The following ABCB5 variants were observed in gnomAD, a reference collection of about 807,000 sequenced individuals.
ABCB5 encodes ATP binding cassette subfamily B member 5, also known as ATP-binding cassette sub-family B member 5.
Under a neutral mutation model 144.2 loss-of-function variants are expected in ABCB5, and 155 were observed. The ratio of observed to expected loss-of-function variants is 1.08; its 90% CI spans 0.94 to 1.23. The LOEUF is 1.23. Ranked by LOEUF, ABCB5 falls within the 50% of genes most tolerant of loss-of-function variation. The pLI is 0.00. For missense variants in ABCB5, 1,830 were observed against 1,520.8 expected (o/e 1.20, Z -3.38); for synonymous variants, 610 against 528.6 (o/e 1.15, Z -2.11).
In ABCB5 at chr7:20,617,236, T is replaced by C. The variant is rs1423985655; in HGVS notation, c.-22+1399T>C. ...CCTGGCACAGTATATATCTATAGAATGAGTAAATTTTTTTAAAAAATCATC... is the reference window on the plus strand; with the variant it reads ...CCTGGCACAGTATATATCTATAGAACGAGTAAATTTTTTTAAAAAATCATC... On this transcript the variant is annotated intron_variant, in intron 1 of 27. Transcript: ENST00000404938. Among the ~76,000 whole-genome samples, 8 of 152,196 alleles carry C rather than the reference T, an allele frequency of 5.3e-5. No individual in the cohort carries two copies. The East Asian group carries it at 1.5e-3, about 29-fold the overall frequency.
intron 20 of ABCB5, among the ~76,000 whole-genome samples, chr7:20,705,794 C>T (rs1048563088): frequency 6.6e-6 from 1 of 151,048 alleles, no homozygotes; most frequent in African/African-American, 2.4e-5. Flanking sequence ...ATATGGCAAC[C>T]GTTCTAAGTT....
rs1007862059 is a variant in ABCB5, at chr7:20,707,789, G to A, written c.2421+2982G>A. ...CTAAGATATTATTACCTGGACAATG[G>A]TAACCTCATTTCTTTTTTTTTTTTT... On this transcript the variant is annotated intron_variant, in intron 20 of 27. Transcript: ENST00000404938. Among the ~76,000 whole-genome samples the A allele has an allele frequency of 7.6e-5, 11 of 144,998 alleles. No homozygotes were observed. In the Admixed American group the frequency reaches 7.9e-4, roughly 10 times the overall value.
chr7:20,750,775 G>A (rs1186327747), intron 26 of ABCB5, among the ~76,000 whole-genome samples: 1 of 152,164 alleles, frequency 6.6e-6, no homozygotes, highest in Non-Finnish European at 1.5e-5. Flanking sequence ...AGGGTGCAGA[G>A]CAAGGAGTCA....
chr7:20,728,493 C>T (rs559978873), intron 23 of ABCB5, 38 bp downstream of exon 23: 3 of 1,603,490 alleles, frequency 1.9e-6, no homozygotes, highest in Non-Finnish European at 2.6e-6. Context: ...GTAGCTCACA[C>T]CTGTAATTCC....
At chr7:20,648,956 C>A (rs116762069) in intron 11 of ABCB5, among the ~76,000 whole-genome samples, 1,776 of 152,262 alleles carry the variant, frequency 0.012, 28 homozygotes, top group Middle Eastern at 0.041. Flanking sequence ...CATTTTGCAA[C>A]TGTATTTGGA....
intron 7 of ABCB5, 124 bp downstream of exon 7, chr7:20,643,756 T>C: frequency 1.0e-6 from 1 of 1,003,180 alleles, no homozygotes; most frequent in East Asian, 2.6e-5. Flanking sequence ...AGGGATATTA[T>C]ACACCACAAA....
intron 16 of ABCB5, among the ~76,000 whole-genome samples, chr7:20,695,815 A>T (rs529923246): frequency 1.3e-5 from 2 of 152,108 alleles, no homozygotes; most frequent in African/African-American, 4.8e-5. Flanking sequence ...ACACAAAAAG[A>T]TGCCCAACGT....
intron 21 of ABCB5, among the ~76,000 whole-genome samples, chr7:20,726,408 C>T (rs1782038707): frequency 9.0e-6 from 1 of 111,622 alleles, no homozygotes; most frequent in Non-Finnish European, 1.7e-5. Flanking sequence ...CACTCTGTTG[C>T]CCAAGCTGGA....
chr7:20,748,037 C>T (rs1164034850), intron 26 of ABCB5, among the ~76,000 whole-genome samples: 3 of 152,190 alleles, frequency 2.0e-5, no homozygotes, highest in African/African-American at 7.2e-5. Context: ...GCTGTAACTA[C>T]CGCATTTTAC....
At chr7:20,691,795 T>C (rs901744941) in intron 16 of ABCB5, among the ~76,000 whole-genome samples, 3 of 151,988 alleles carry the variant, frequency 2.0e-5, no homozygotes, top group African/African-American at 7.3e-5. Flanking sequence ...TCCAAGTAAT[T>C]TAAATGTGTT....
chr7:20,692,039 G>A (rs547269213), intron 16 of ABCB5, among the ~76,000 whole-genome samples: 1 of 152,084 alleles, frequency 6.6e-6, no homozygotes, highest in Admixed American at 6.6e-5. Context: ...TATTCCGTAT[G>A]TACATATGTC....
chr7:20,735,906 T>A lies in ABCB5; in HGVS notation c.2868-3077T>A, dbSNP rs578256918. Among the ~76,000 whole-genome samples, 3 of 152,316 alleles carry A rather than the reference T, an allele frequency of 2.0e-5. No homozygotes were observed. The East Asian group carries it at 5.8e-4, about 29-fold the overall frequency. ...GTTTCCATTCTACTTATCTCCTAGG[T>A]GATTAGATGGTATCTTGTATATGAA... On this transcript the variant is annotated intron_variant, in intron 23 of 27. Transcript: ENST00000404938.
intron 21 of ABCB5, among the ~76,000 whole-genome samples, chr7:20,723,617 C>T (rs768541969): frequency 1.7e-4 from 26 of 152,130 alleles, no homozygotes; most frequent in African/African-American, 2.9e-4. Context: ...TGTTATTATA[C>T]GCAAAACACT....
intron 23 of ABCB5, among the ~76,000 whole-genome samples, chr7:20,730,218 T>C (rs1782162872): frequency 6.6e-6 from 1 of 152,212 alleles, no homozygotes. Context: ...ATTTAAAATT[T>C]CAACAGAAGG....
At chr7:20,662,312 C>T (rs572516192) in intron 14 of ABCB5, among the ~76,000 whole-genome samples, 1 of 152,292 alleles carries the variant, frequency 6.6e-6, no homozygotes, top group African/African-American at 2.4e-5. Context: ...CTATGATGCG[C>T]CCCGTTGGTC....
intron 4 of ABCB5, 93 bp from the exon 5 acceptor site, chr7:20,631,966 A>C: frequency 1.6e-6 from 1 of 633,118 alleles, no homozygotes; most frequent in Non-Finnish European, 2.6e-6. Context: ...TTGTCTTAAG[A>C]GTGCACTATA....
intron 15 of ABCB5, among the ~76,000 whole-genome samples, chr7:20,685,272 C>A (rs138765710): frequency 5.7e-4 from 87 of 152,178 alleles, no homozygotes; most frequent in African/African-American, 2.0e-3. Context: ...TGATTGTCTC[C>A]CAAGGTCTCT....
Position 20,650,131 on chromosome 7 carries a change from A to G in ABCB5, c.1316A>G (p.Asp439Gly). ...GTCCAGCTTCTGCAGAGGTTATATG[A>G]TCCGGATGATGGCTTTGTAAGTGCA... is the stretch of plus-strand genomic sequence containing the variant. ...TVVQLLQRLY[D>G]PDDGFIMVDE... Residue 439 changes from aspartate to glycine, a missense_variant, in exon 12 of 28, where the codon GAT (aspartate) becomes GGT (glycine). Coordinates refer to ENST00000404938, the MANE Select transcript of ABCB5 (RefSeq NM_001163941.2). The G allele has an allele frequency of 6.2e-7, 1 of 1,613,368 alleles. No individual in the cohort carries two copies. The highest frequency in any genetic ancestry group is 8.5e-7 in the Non-Finnish European group (1 of 1,179,490).
At chr7:20,704,857 C>T (rs752138962) in intron 20 of ABCB5, 50 bp downstream of exon 20, 2 of 1,419,564 alleles carry the variant, frequency 1.4e-6, no homozygotes, top group South Asian at 2.3e-5. Context: ...GGTGTGCACA[C>T]ATGCAATGCA....
Sources: gnomAD v4.1 joint callset for allele counts (sites outside exome capture counted in the v4.1 genomes callset) on GRCh38, gnomAD v4.1.1 for gene constraint, MANE v1.5 for transcripts, NCBI Gene and HGNC (gene_info 2026-07-23, HGNC 2026-07-21) for gene names.